The following NIPSNAP2 variants were observed in gnomAD, a reference collection of about 807,000 sequenced individuals.
NIPSNAP2 encodes nipsnap homolog 2, also known as protein NipSnap homolog 2.
NIPSNAP2 carries 42 observed loss-of-function variants against 48.4 expected under a neutral mutation model. That is an observed-to-expected ratio of 0.87 (90% CI 0.68 to 1.12). The LOEUF (loss-of-function observed/expected upper bound fraction) is 1.12. NIPSNAP2 is among the 50% of genes most tolerant of loss of function. The pLI is 0.00. For synonymous variants in NIPSNAP2, 158 were observed against 126.6 expected (o/e 1.25, Z -1.67); for missense variants, 314 against 347.3 (o/e 0.90, Z 0.76).
At chr7:55,987,006 A>AAAAAC (rs1787345439) in intron 7 of NIPSNAP2, among the ~76,000 whole-genome samples, 1 of 137,076 alleles carries the variant, frequency 7.3e-6, no homozygotes, top group Non-Finnish European at 1.6e-5. Flanking sequence ...AAAAAAAAAA[A>AAAAAC]AAAACTTGCC....
chr7:55,976,609 A>G (rs1458470010), intron 1 of NIPSNAP2, among the ~76,000 whole-genome samples: 1 of 152,152 alleles, frequency 6.6e-6, no homozygotes, highest in Non-Finnish European at 1.5e-5. Context: ...AGTAGGGCCA[A>G]TTGCAGTGGC....
chr7:55,991,172 A>G (rs933751550), intron 7 of NIPSNAP2, among the ~76,000 whole-genome samples: 4 of 152,160 alleles, frequency 2.6e-5, no homozygotes, highest in African/African-American at 9.7e-5. Context: ...TCCAACAAAT[A>G]GTTCTGTGAT....
chr7:55,981,845 G>A (rs758441332), intron 4 of NIPSNAP2: 9 of 374,784 alleles, frequency 2.4e-5, no homozygotes, highest in Non-Finnish European at 1.9e-5. Context: ...TTGCTCTGTT[G>A]CCCAGGCTGG....
intron 7 of NIPSNAP2, chr7:55,991,841 TG>T: frequency 3.7e-6 from 1 of 270,426 alleles, no homozygotes. Context: ...ACTAAGATGG[TG>T]ACCACCTCGT....
intron 7 of NIPSNAP2, among the ~76,000 whole-genome samples, chr7:55,994,675 T>G (rs983070080): frequency 6.6e-6 from 1 of 152,228 alleles, no homozygotes; most frequent in Admixed American, 6.5e-5. Flanking sequence ...ATTGTGTCAC[T>G]GCACTCCAGC....
intron 3 of NIPSNAP2, 198 bp from the exon 4 acceptor site, chr7:55,981,275 G>A: frequency 2.3e-6 from 1 of 426,306 alleles, no homozygotes; most frequent in Non-Finnish European, 4.3e-6. Context: ...AGAAACCTAA[G>A]CTTCTGATCA....
At chr7:55,991,748 C>CAA (rs869175007) in intron 7 of NIPSNAP2, 28 of 151,104 alleles carry the variant, frequency 1.9e-4, no homozygotes, top group Non-Finnish European at 2.5e-4. Flanking sequence ...AACTCTGTCT[C>CAA]AAAAAAAAAA....
intron 7 of NIPSNAP2, among the ~76,000 whole-genome samples, chr7:55,988,016 C>G (rs138940321): frequency 6.6e-6 from 1 of 152,168 alleles, no homozygotes; most frequent in Non-Finnish European, 1.5e-5. Context: ...CTCACAGCTA[C>G]TTTGGGAGGC....
At chr7:55,997,709 A>T (rs1399927527) in intron 9 of NIPSNAP2, among the ~76,000 whole-genome samples, 1 of 152,164 alleles carries the variant, frequency 6.6e-6, no homozygotes, top group African/African-American at 2.4e-5. Context: ...ATTTTACATC[A>T]TTACCTGTTT....
At chr7:55,971,765 T>A (rs1189373253) in intron 1 of NIPSNAP2, among the ~76,000 whole-genome samples, 1 of 152,210 alleles carries the variant, frequency 6.6e-6, no homozygotes, top group African/African-American at 2.4e-5. Flanking sequence ...GAAAATATTA[T>A]CTGTCTATAA....
chr7:55,969,918 A>G (rs146019106), intron 1 of NIPSNAP2, among the ~76,000 whole-genome samples: 5,170 of 149,358 alleles, frequency 0.035, 305 homozygotes, highest in African/African-American at 0.12. Context: ...GGGAGGCGGA[A>G]CTTGCAGTGA....
At chr7:55,996,058 C>T (rs1787556249) in intron 8 of NIPSNAP2, among the ~76,000 whole-genome samples, 2 of 152,122 alleles carry the variant, frequency 1.3e-5, no homozygotes, top group South Asian at 4.1e-4. Flanking sequence ...GAGGCCGAGG[C>T]AGGTGGATCA....
Position 55,999,042 on chromosome 7 carries a change from G to C in NIPSNAP2, c.831G>C (p.Met277Ile). Residue 277 changes from methionine to isoleucine, a missense_variant, in exon 10 of 10, where the codon ATG (methionine) becomes ATC (isoleucine). By Grantham distance (10) the Met-to-Ile change is conservative. Transcript: ENST00000322090. ...TTCAGGAAATGGAATCCAGAATCATGATCCCACTGAAGACCTCGCCCCTCC... is the reference window on the plus strand; with the variant it reads ...TTCAGGAAATGGAATCCAGAATCATCATCCCACTGAAGACCTCGCCCCTCC... ...PLIQEMESRI[M>I]IPLKTSPLQ 1 of 1,614,046 alleles carries C rather than the reference G, an allele frequency of 6.2e-7. No individual in the cohort carries two copies. Among genetic ancestry groups the C allele is most frequent in the Non-Finnish European group, 8.5e-7 (1 of 1,179,948 alleles).
chr7:55,984,199 G>A (rs1787280193), intron 6 of NIPSNAP2, among the ~76,000 whole-genome samples: 1 of 152,136 alleles, frequency 6.6e-6, no homozygotes. Flanking sequence ...TGTGACTGTT[G>A]AACAAATTAT....
intron 7 of NIPSNAP2, among the ~76,000 whole-genome samples, chr7:55,990,491 G>A (rs368992722): frequency 9.8e-4 from 149 of 152,092 alleles, no homozygotes; most frequent in African/African-American, 2.4e-3. Context: ...TCGGCCTCCC[G>A]AAGTGCTGGG....
intron 1 of NIPSNAP2, among the ~76,000 whole-genome samples, chr7:55,970,328 A>C (rs906488821): frequency 3.5e-5 from 5 of 141,446 alleles, no homozygotes; most frequent in Non-Finnish European, 7.6e-5. Context: ...TTTTTTTTTG[A>C]AACGGAGTCT....
At chr7:55,988,312 G>A (rs1241661838) in intron 7 of NIPSNAP2, among the ~76,000 whole-genome samples, 1 of 151,976 alleles carries the variant, frequency 6.6e-6, no homozygotes, top group South Asian at 2.1e-4. Context: ...CAAAGGATTT[G>A]AATAGGATTT....
chr7:55,989,090 T>TAGA (rs900066488), intron 7 of NIPSNAP2, among the ~76,000 whole-genome samples: 4 of 151,968 alleles, frequency 2.6e-5, no homozygotes, highest in Admixed American at 6.6e-5. Flanking sequence ...AGCCAACAAG[T>TAGA]AGAAACAACC....
chr7:55,998,496 T>TG (rs1554344779), intron 9 of NIPSNAP2, among the ~76,000 whole-genome samples: 2 of 120,464 alleles, frequency 1.7e-5, no homozygotes, highest in Non-Finnish European at 1.7e-5. Context: ...AGGATCTGTT[T>TG]TTTTTTTTTT....
Sources: gnomAD v4.1 joint callset for allele counts (sites outside exome capture counted in the v4.1 genomes callset) on GRCh38, gnomAD v4.1.1 for gene constraint, MANE v1.5 for transcripts, NCBI Gene and HGNC (gene_info 2026-07-23, HGNC 2026-07-21) for gene names.